VIPR2: variants seen among roughly 807,000 people sequenced by gnomAD.
VIPR2 encodes the protein vasoactive intestinal peptide receptor 2.
VIPR2 carries 48 observed loss-of-function variants against 58.0 expected under a neutral mutation model. The observed-to-expected ratio is 0.83, with a 90% confidence interval of 0.66 to 1.05. The LOEUF is 1.05. VIPR2 is among the 50% of genes least tolerant of loss of function. The pLI is 0.00. For synonymous variants in VIPR2, 243 were observed against 235.2 expected (o/e 1.03, Z -0.30); for missense variants, 534 against 558.0 (o/e 0.96, Z 0.43).
In VIPR2 at chr7:159,134,646, A is replaced by C. The variant is rs144498179; in HGVS notation, c.151+7800T>G. Among the ~76,000 whole-genome samples, 129 of 152,082 alleles carry C rather than the reference A, an allele frequency of 8.5e-4. 1 individual carries two copies. The highest frequency in any genetic ancestry group is 6.8e-3 in the Middle Eastern group (2 of 292). On this transcript the variant is annotated intron_variant, in intron 2 of 12. Transcript: ENST00000262178. ...CAAAGTGAGTTTGTTTTCTATTAATAGTGCAATATTTTCTTTCTTTTTTTT... is the reference window on the plus strand; with the variant it reads ...CAAAGTGAGTTTGTTTTCTATTAATCGTGCAATATTTTCTTTCTTTTTTTT...
chr7:159,122,616 T>C (rs1050672002), intron 2 of VIPR2, among the ~76,000 whole-genome samples: 1 of 152,222 alleles, frequency 6.6e-6, no homozygotes, highest in African/African-American at 2.4e-5. Flanking sequence ...ACAGGTCACA[T>C]ACAGGTGCAG....
At chr7:159,129,911 G>T (rs575176477) in intron 2 of VIPR2, among the ~76,000 whole-genome samples, 3 of 85,494 alleles carry the variant, frequency 3.5e-5, no homozygotes, top group African/African-American at 8.5e-5. Flanking sequence ...GGACAGGGCT[G>T]GGGGGACAGG....
chr7:159,091,101 A>T (rs1857477586), intron 4 of VIPR2, among the ~76,000 whole-genome samples: 2 of 152,252 alleles, frequency 1.3e-5, no homozygotes, highest in South Asian at 4.1e-4. Context: ...CACAGAGGCC[A>T]CTTCCTGTGA....
chr7:159,097,319 G>A lies in VIPR2; in HGVS notation c.357+6438C>T. ...ATGTGTGCACTTGAAGCATGGGGAG[G>A]CCGAAATGCCAAACAGTTCTCTTGG... is the stretch of plus-strand genomic sequence containing the variant. On this transcript the variant is annotated intron_variant, in intron 4 of 12. Coordinates refer to ENST00000262178, the MANE Select transcript of VIPR2 (RefSeq NM_003382.5). This position sits in a 1 kb window ranked among gnomAD's most constrained non-coding sequence, Gnocchi z 5.3. The A allele has an allele frequency of 8.0e-7, 1 of 1,252,262 alleles. No individual in the cohort carries two copies. The highest frequency in any genetic ancestry group is 1.0e-6 in the Non-Finnish European group (1 of 974,052). 77.6% of individuals were successfully genotyped at this position (1,252,262 alleles called of 1,614,324 possible). A position where few individuals can be genotyped will look rare whatever the true frequency, so the allele number is the denominator to read the frequency against.
chr7:159,071,357 C>G (rs1486292892), intron 4 of VIPR2, among the ~76,000 whole-genome samples: 2 of 152,240 alleles, frequency 1.3e-5, no homozygotes, highest in Non-Finnish European at 2.9e-5. Flanking sequence ...TTCCTTCCTC[C>G]TGGGTCCCCA....
chr7:159,056,413 C>T (rs2730258), intron 5 of VIPR2, among the ~76,000 whole-genome samples: 125,955 of 152,086 alleles, frequency 0.83, 54,149 homozygotes, highest in East Asian at 1. Context: ...TATTGAAAAA[C>T]ATTCTCAGAG....
At chr7:159,129,112 C>G (rs1796770949) in intron 2 of VIPR2, among the ~76,000 whole-genome samples, 1 of 132,082 alleles carries the variant, frequency 7.6e-6, no homozygotes, top group East Asian at 2.3e-4. Context: ...TGAGCAGCTT[C>G]ACACTCTGTT....
At chr7:159,108,914 A>G (rs146442036) in intron 3 of VIPR2, among the ~76,000 whole-genome samples, 146 of 152,340 alleles carry the variant, frequency 9.6e-4, no homozygotes, top group African/African-American at 3.2e-3. Flanking sequence ...TGGTAATGCA[A>G]GCATGGTCCC....
intron 2 of VIPR2, among the ~76,000 whole-genome samples, chr7:159,137,090 G>T (rs535034106): frequency 3.3e-5 from 5 of 152,254 alleles, no homozygotes; most frequent in East Asian, 1.9e-4. Context: ...AGCAGGAGGG[G>T]TGGGGAGGAA....
At chr7:159,108,200 C>G (rs955059410) in intron 3 of VIPR2, among the ~76,000 whole-genome samples, 2 of 152,216 alleles carry the variant, frequency 1.3e-5, no homozygotes, top group Non-Finnish European at 2.9e-5. Context: ...TCTCTGAAGC[C>G]TCAGCTTCTG....
chr7:159,110,590 C>T (rs559030909), intron 2 of VIPR2, among the ~76,000 whole-genome samples: 147 of 152,350 alleles, frequency 9.6e-4, no homozygotes, highest in African/African-American at 3.2e-3. Context: ...AAACCCAGGA[C>T]TTTCCTACTT....
rs973657550 is a variant in VIPR2 at position 159,103,825 on chromosome 7, C to T, written c.289G>A (p.Gly97Arg). 9.3e-6 allele frequency: 15 copies of T among 1,614,016 alleles called. No individual in the cohort carries two copies. The highest frequency in any genetic ancestry group is 4.0e-5 in the African/African-American group (3 of 74,918). ...GNISKNCTSD[G>R]WSETFPDFVD... ...AAATCTGGGAACGTCTCTGACCATC[C>T]GTCACTCGTACAGTTTTTGCTTATG... The change falls in exon 4 of 13, where the codon GGA (glycine) becomes AGA (arginine). Residue 97 changes from glycine (G) to arginine (R), a missense_variant. Gly to Arg is a moderately radical substitution (Grantham distance 125). Transcript: ENST00000262178.
At position 159,036,886 on chromosome 7, in the gene VIPR2, C is replaced by A. The variant is rs1854000388; in HGVS notation, c.614G>T (p.Ser205Ile). 6.2e-7 allele frequency: 1 copy of A among 1,612,500 alleles called. No individual in the cohort carries two copies. The highest frequency in any genetic ancestry group is 1.1e-5 in the South Asian group (1 of 91,016). The stretch of plus-strand genomic sequence containing the variant: ...GATGCAGTACTGCAGGAAGACCAGG[C>A]TCAGCTTGCAGCCCACCTGGAAACC... The part of the protein sequence containing the change: ...QPSSWVGCKL[S>I]LVFLQYCIMA... Residue 205 changes from serine (S) to isoleucine (I), a missense_variant, in exon 7 of 13, where the codon AGC (serine) becomes ATC (isoleucine). Transcript: ENST00000262178.
chr7:159,047,961 C>G (rs959603399), intron 5 of VIPR2, among the ~76,000 whole-genome samples: 1 of 151,976 alleles, frequency 6.6e-6, no homozygotes, highest in Non-Finnish European at 1.5e-5. Context: ...GGTTTTGGAA[C>G]CTTGAAGAAA....
At chr7:159,101,329 G>A (rs1301437303) in intron 4 of VIPR2, among the ~76,000 whole-genome samples, 1 of 147,144 alleles carries the variant, frequency 6.8e-6, no homozygotes, top group Non-Finnish European at 1.5e-5. Flanking sequence ...CGACGAGGCG[G>A]TTCCCCTGAC....
At position 159,031,703 on chromosome 7, in the gene VIPR2, G is replaced by A. The variant is rs1853596004; in HGVS notation, c.1143+125C>T. On this transcript the variant is annotated intron_variant, in intron 12 of 12. Transcript: ENST00000262178. This position sits in a 1 kb window ranked among gnomAD's most constrained non-coding sequence, Gnocchi z 4.0. ...CTCTGATGGGGACACAGAACTGTGG[G>A]GTCCCGGGCAGTAACTCGAGCCCGC... 6.4e-7 allele frequency: 1 copy of A among 1,553,658 alleles called. No homozygotes were observed. The highest frequency in any genetic ancestry group is 1.2e-5 in the South Asian group (1 of 82,768).
chr7:159,056,047 C>A (rs1226206934), intron 5 of VIPR2, among the ~76,000 whole-genome samples: 2 of 152,234 alleles, frequency 1.3e-5, no homozygotes, highest in Admixed American at 1.3e-4. Context: ...TCTGCGTGCA[C>A]CAGCTCAGCA....
intron 4 of VIPR2, among the ~76,000 whole-genome samples, chr7:159,087,245 C>T (rs2129495154): frequency 6.7e-6 from 1 of 148,550 alleles, no homozygotes; most frequent in East Asian, 2.0e-4. Flanking sequence ...ATACGGCTTC[C>T]CAACAAACAA....
intron 2 of VIPR2, among the ~76,000 whole-genome samples, chr7:159,118,414 GA>G (rs1190116847): frequency 1.3e-5 from 2 of 152,210 alleles, no homozygotes; most frequent in Admixed American, 1.3e-4. Context: ...CCATCTCAGG[GA>G]ACGAGCTTAA....
Sources: allele counts gnomAD v4.1 joint callset (sites outside exome capture counted in the v4.1 genomes callset), GRCh38; gene constraint gnomAD v4.1.1; non-coding constraint Gnocchi (gnomAD v3.1); transcripts MANE v1.5; gene names NCBI Gene and HGNC (gene_info 2026-07-23, HGNC 2026-07-21).